The following ZFHX3 variants were observed in gnomAD, a reference collection of about 807,000 sequenced individuals.
The protein encoded by ZFHX3 is zinc finger homeobox protein 3.
In ZFHX3, 42 loss-of-function variants were observed where a neutral mutation model predicts 279.1. That is an observed-to-expected ratio of 0.15 (90% confidence interval 0.12 to 0.19). ZFHX3 has a LOEUF of 0.19. ZFHX3 is among the 10% of genes least tolerant of loss of function. The pLI, the probability that ZFHX3 is intolerant of heterozygous loss-of-function variation, is 1.00. For missense variants in ZFHX3, 4,981 were observed against 4,754.0 expected (o/e 1.05, Z -1.40); for synonymous variants, 2,293 against 1,957.8 (o/e 1.17, Z -4.52).
chr16:73,596,723 T>C (rs886955500), intron 2 of ZFHX3, among the ~76,000 whole-genome samples: 1 of 152,206 alleles, frequency 6.6e-6, no homozygotes, highest in Non-Finnish European at 1.5e-5. Flanking sequence ...GACACTCAAC[T>C]TCCGTGATCT....
intron 4 of ZFHX3, among the ~76,000 whole-genome samples, chr16:73,316,005 T>C (rs2015438810): frequency 1.3e-5 from 2 of 152,106 alleles, no homozygotes. Flanking sequence ...GACCTCTTAG[T>C]GGGGGTTGGA....
intron 3 of ZFHX3, among the ~76,000 whole-genome samples, chr16:72,947,666 G>T (rs896317768): frequency 1.2e-4 from 19 of 152,082 alleles, no homozygotes; most frequent in African/African-American, 4.6e-4. Context: ...TTGGAGAGCC[G>T]CCCTGGCTGA....
chr16:72,962,916 C>G (rs1204338115), intron 1 of ZFHX3, among the ~76,000 whole-genome samples: 1 of 152,016 alleles, frequency 6.6e-6, no homozygotes, highest in African/African-American at 2.4e-5. Context: ...GAAGTCTCCC[C>G]AATCCGCCAC....
intron 1 of ZFHX3, among the ~76,000 whole-genome samples, chr16:72,968,076 T>A (rs950533578): frequency 2.0e-5 from 3 of 148,536 alleles, no homozygotes; most frequent in Non-Finnish European, 3.0e-5. Flanking sequence ...CTTCATTGAG[T>A]GATCAAAGTT....
At chr16:73,448,818 A>G (rs1285249272) in intron 3 of ZFHX3, among the ~76,000 whole-genome samples, 15 of 151,842 alleles carry the variant, frequency 9.9e-5, no homozygotes, top group Non-Finnish European at 2.2e-4. Flanking sequence ...AGAAACTAAT[A>G]TGAATTTTTT....
intron 3 of ZFHX3, among the ~76,000 whole-genome samples, chr16:73,365,509 A>C (rs1223920338): frequency 6.6e-6 from 1 of 152,210 alleles, no homozygotes; most frequent in Non-Finnish European, 1.5e-5. Context: ...TAATCCCTTT[A>C]CAGATGAAGA....
rs185036017 is a variant in ZFHX3, at chr16:73,891,509, G to C, written c.-1608+142C>G. On this transcript the variant is annotated intron_variant, in intron 1 of 17. Coordinates refer to the ZFHX3 transcript ENST00000641206. ...TGAGAAGGAAGGAGAGGGAGAGAGA[G>C]GGGGAGAGAGGACATATGAATGTAA... The C allele has an allele frequency of 2.0e-5, 3 of 152,346 alleles. No individual in the cohort carries two copies. The East Asian group carries it at 5.8e-4, about 29-fold the overall frequency. The allele number at this position is 152,346 out of a possible 1,614,324, so 9.4% of individuals were successfully genotyped here.
At chr16:73,435,856 G>A (rs956278556) in intron 3 of ZFHX3, among the ~76,000 whole-genome samples, 3 of 152,168 alleles carry the variant, frequency 2.0e-5, no homozygotes, top group Non-Finnish European at 2.9e-5. Flanking sequence ...TGAAGCCTGG[G>A]CGGCCTCTGC....
Position 72,788,729 on chromosome 16 carries a change from G to A in ZFHX3, c.9547C>T (p.Pro3183Ser). The A allele has an allele frequency of 6.2e-7, 1 of 1,601,642 alleles. No individual in the cohort carries two copies. The highest frequency in any genetic ancestry group is 1.3e-5 in the African/African-American group (1 of 74,354). ...PSSASLSSPTPAQATMAMGPQ... is the reference protein window; with the variant it reads ...PSSASLSSPTSAQATMAMGPQ... ...CCCATCGCCATCGTGGCTTGTGCTG[G>A]GGTTGGGGAGCTCAGCGACGCTGAG... Residue 3183 changes from proline (P) to serine (S), a missense_variant, in exon 10 of 10, where the codon CCA (proline) becomes TCA (serine). Coordinates refer to ENST00000268489, the MANE Select transcript of ZFHX3 (RefSeq NM_006885.4).
chr16:73,582,108 T>C (rs2051868381), intron 2 of ZFHX3, among the ~76,000 whole-genome samples: 1 of 151,920 alleles, frequency 6.6e-6, no homozygotes, highest in South Asian at 2.1e-4. Context: ...TAAGAGATGA[T>C]ACAGACCTAA....
chr16:73,719,905 T>C (rs2053457839), intron 1 of ZFHX3, among the ~76,000 whole-genome samples: 1 of 151,688 alleles, frequency 6.6e-6, no homozygotes, highest in Non-Finnish European at 1.5e-5. Context: ...AGTTATTTCA[T>C]TTAATTCTTC....
chr16:73,842,321 G>A (rs1961331656), intron 1 of ZFHX3, among the ~76,000 whole-genome samples: 2 of 152,150 alleles, frequency 1.3e-5, no homozygotes, highest in African/African-American at 2.4e-5. Flanking sequence ...TGGTGGCTGA[G>A]AAAGGGTAGG....
At chr16:73,480,186 T>C (rs576238541) in intron 2 of ZFHX3, among the ~76,000 whole-genome samples, 1 of 152,244 alleles carries the variant, frequency 6.6e-6, no homozygotes, top group South Asian at 2.1e-4. Flanking sequence ...TCCTTCAGCA[T>C]TTGAAATGTT....
intron 5 of ZFHX3, among the ~76,000 whole-genome samples, chr16:73,157,775 T>C (rs974887428): frequency 3.9e-5 from 6 of 152,162 alleles, no homozygotes; most frequent in Admixed American, 1.3e-4. Context: ...GTTAGTTGGC[T>C]TTTTATAACG....
chr16:73,787,686 A>G (rs1438704412), intron 1 of ZFHX3, among the ~76,000 whole-genome samples: 4 of 152,176 alleles, frequency 2.6e-5, no homozygotes, highest in Admixed American at 6.5e-5. Context: ...TGCCGCCTTG[A>G]ATGATGGATG....
chr16:73,758,278 C>T (rs184228894), intron 1 of ZFHX3, among the ~76,000 whole-genome samples: 335 of 152,088 alleles, frequency 2.2e-3, no homozygotes, highest in African/African-American at 3.1e-3. Context: ...TATTAAATAC[C>T]GACTCTAAGT....
At chr16:73,546,997 G>T (rs1350063761) in intron 2 of ZFHX3, among the ~76,000 whole-genome samples, 1 of 151,852 alleles carries the variant, frequency 6.6e-6, no homozygotes, top group African/African-American at 2.4e-5. Context: ...ACCACATTTT[G>T]TAATAATAAC....
intron 2 of ZFHX3, among the ~76,000 whole-genome samples, chr16:73,651,344 A>ATTTAATTGGCATTT (rs2052668574): frequency 6.6e-6 from 1 of 152,132 alleles, no homozygotes; most frequent in East Asian, 1.9e-4. Flanking sequence ...GAGAATTGGC[A>ATTTAATTGGCATTT]AGAATTATTT....
At chr16:73,733,779 T>C (rs543447527) in intron 1 of ZFHX3, among the ~76,000 whole-genome samples, 1 of 152,268 alleles carries the variant, frequency 6.6e-6, no homozygotes, top group East Asian at 1.9e-4. Flanking sequence ...AAGAATTCAG[T>C]GAAGGGCAAT....
Sources: gnomAD v4.1 joint callset for allele counts (sites outside exome capture counted in the v4.1 genomes callset) on GRCh38, gnomAD v4.1.1 for gene constraint, MANE v1.5 for transcripts, NCBI Gene and HGNC (gene_info 2026-07-23, HGNC 2026-07-21) for gene names.